PDS5B: variants seen among roughly 807,000 people sequenced by gnomAD.
PDS5B encodes PDS5 cohesin associated factor B.
In PDS5B, 51 loss-of-function variants were observed where a neutral mutation model predicts 184.1. That is an observed-to-expected ratio of 0.28 (90% CI 0.22 to 0.35). The LOEUF (loss-of-function observed/expected upper bound fraction) is 0.35, where lower values mean the gene tolerates loss of function less well. PDS5B is among the 10% of genes least tolerant of loss of function. PDS5B has a pLI of 1.00. For synonymous variants in PDS5B, 566 were observed against 569.2 expected, an observed-to-expected ratio of 0.99 and a Z score of 0.08; for missense variants, 1,180 against 1,723.3, an observed-to-expected ratio of 0.68 and a Z score of 5.58.
chr13:32,627,739 A>G lies in PDS5B; in HGVS notation c.-19-21015A>G, dbSNP rs76194193. On this transcript the variant is annotated intron_variant, in intron 1 of 34. Coordinates refer to ENST00000315596, the MANE Select transcript of PDS5B (RefSeq NM_015032.4). Reference sequence around the variant, plus strand: ...GCCAAAAACTGCAAGTACATGATATAGTAAGATAATAGAATTGAGAGTTTT... The same window carrying G: ...GCCAAAAACTGCAAGTACATGATATGGTAAGATAATAGAATTGAGAGTTTT... Among the ~76,000 whole-genome samples, 1,289 of 152,352 alleles carry G rather than the reference A, an allele frequency of 8.5e-3. 21 individuals carry two copies. The highest frequency in any genetic ancestry group is 0.03 in the African/African-American group (1,245 of 41,576).
At position 32,699,765 on chromosome 13, in the gene PDS5B, A is replaced by T; in HGVS notation, c.1636A>T (p.Met546Leu). 6.4e-7 allele frequency: 1 copy of T among 1,561,970 alleles called. No individual in the cohort carries two copies. The highest frequency in any genetic ancestry group is 8.6e-7 in the Non-Finnish European group (1 of 1,158,440). ...TGATCCTGGTAAGGCTCAGGATTTCATGAAGAAATTCACACAGGTGTTAGA... is the reference window on the plus strand; with the variant it reads ...TGATCCTGGTAAGGCTCAGGATTTCTTGAAGAAATTCACACAGGTGTTAGA... ...LPDPGKAQDF[M>L]KKFTQVLEDD... Residue 546 changes from methionine (M) to leucine (L), a missense_variant, in exon 16 of 35, where the codon ATG (methionine) becomes TTG (leucine). Physicochemically the swap from Met to Leu is conservative, Grantham distance 15. This residue lies in a region of PDS5B where 475 missense variants were observed against 691.5 expected (regional missense o/e 0.69). Coordinates refer to ENST00000315596, the MANE Select transcript of PDS5B (RefSeq NM_015032.4).
chr13:32,698,188 T>C (rs975961810), intron 15 of PDS5B, among the ~76,000 whole-genome samples: 3 of 152,198 alleles, frequency 2.0e-5, no homozygotes, highest in East Asian at 1.9e-4. Flanking sequence ...GTTTATAGAA[T>C]GCTAAATTGA....
chr13:32,616,751 C>T (rs1374052152), intron 1 of PDS5B, among the ~76,000 whole-genome samples: 1 of 152,188 alleles, frequency 6.6e-6, no homozygotes, highest in Non-Finnish European at 1.5e-5. Flanking sequence ...GGTAGTTGAA[C>T]TGCAAAATTT....
At chr13:32,692,147 T>C (rs9596075) in intron 13 of PDS5B, among the ~76,000 whole-genome samples, 56,230 of 151,886 alleles carry the variant, frequency 0.37, 10,913 homozygotes, top group Non-Finnish European at 0.43. Context: ...ATTCCTCTTA[T>C]TTGTTGAAAG....
intron 10 of PDS5B, among the ~76,000 whole-genome samples, chr13:32,682,767 G>A (rs561480957): frequency 1.3e-5 from 2 of 152,302 alleles, no homozygotes; most frequent in African/African-American, 2.4e-5. Context: ...TAGCGTCCTT[G>A]ACAACATTTT....
intron 19 of PDS5B, among the ~76,000 whole-genome samples, chr13:32,726,364 T>G (rs573599769): frequency 1.3e-4 from 20 of 152,324 alleles, no homozygotes; most frequent in African/African-American, 4.6e-4. Flanking sequence ...TTTATGGACA[T>G]TGGGTTGTTT....
chr13:32,605,787 CTCT>C (rs138739336), intron 1 of PDS5B, among the ~76,000 whole-genome samples: 49,176 of 151,654 alleles, frequency 0.32, 8,223 homozygotes, highest in Non-Finnish European at 0.37. Flanking sequence ...GAATAGTTAG[CTCT>C]TCTTGTTGAA....
At chr13:32,757,615 T>A (rs4942897) in intron 26 of PDS5B, among the ~76,000 whole-genome samples, 3 of 152,020 alleles carry the variant, frequency 2.0e-5, no homozygotes, top group Non-Finnish European at 2.9e-5. Flanking sequence ...ATTGTCAATC[T>A]TGACTTTTTC....
chr13:32,740,964 A>G lies in PDS5B; in HGVS notation c.2407-116A>G, dbSNP rs1035184229. 7 of 658,212 alleles carry G rather than the reference A, an allele frequency of 1.1e-5. No individual in the cohort carries two copies. The East Asian group carries it at 1.6e-4, about 15-fold the overall frequency. The allele number at this position is 658,212 out of a possible 1,614,324, so 40.8% of individuals were successfully genotyped here. A position where few individuals can be genotyped will look rare whatever the true frequency, so the allele number is the denominator to read the frequency against. Reference sequence around the variant, plus strand: ...TAGATGAAGTACTTTAGTCATATATAACAAATGTCACTGCAGAAGGTACAG... The same window carrying G: ...TAGATGAAGTACTTTAGTCATATATGACAAATGTCACTGCAGAAGGTACAG... On this transcript the variant is annotated intron_variant, in intron 21 of 34. Coordinates refer to ENST00000315596, the MANE Select transcript of PDS5B (RefSeq NM_015032.4).
rs2140469116 is a variant in PDS5B, at chr13:32,595,609, A to C, written c.-20+9016A>C. 1.3e-5 allele frequency among the ~76,000 whole-genome samples: 2 copies of C among 152,344 alleles called. 1 individual carries two copies. Among genetic ancestry groups the C allele is most frequent in the South Asian group, 4.1e-4 (2 of 4,830 alleles). ...GAAAGAACCACCATGCATTCCCTAA[A>C]AGAAGAGTTAGGTATTGGAAAAACC... On this transcript the variant is annotated intron_variant, in intron 1 of 34. Coordinates refer to ENST00000315596, the MANE Select transcript of PDS5B (RefSeq NM_015032.4).
chr13:32,735,408 T>C, intron 21 of PDS5B, 78 bp downstream of exon 21: 1 of 992,596 alleles, frequency 1.0e-6, no homozygotes, highest in South Asian at 1.8e-5. Context: ...AGAAGTGAAA[T>C]GATATCAATA....
chr13:32,641,894 G>C (rs1466106074), intron 1 of PDS5B, among the ~76,000 whole-genome samples: 2 of 151,874 alleles, frequency 1.3e-5, no homozygotes, highest in African/African-American at 4.8e-5. Flanking sequence ...TCTCTCTCTG[G>C]GTTTTCCCCC....
At chr13:32,643,315 A>G (rs926433992) in intron 1 of PDS5B, among the ~76,000 whole-genome samples, 1 of 152,154 alleles carries the variant, frequency 6.6e-6, no homozygotes, top group Admixed American at 6.5e-5. Context: ...ACCTGAAGTC[A>G]TGCAGCTATT....
rs144417626 is a variant in PDS5B at position 32,706,831 on chromosome 13, C to T, written c.1857-103C>T. The T allele has an allele frequency of 3.4e-4, 170 of 505,360 alleles. 3 individuals are homozygous for T. Among genetic ancestry groups the T allele is most frequent in the Middle Eastern group, 1.9e-3 (5 of 2,644 alleles). The allele number at this position is 505,360 out of a possible 1,614,324, so 31.3% of individuals were successfully genotyped here. Reference sequence around the variant, plus strand: ...AGCTATATCAAATTTGTATTTGGTTCGGATATGTATATATGTATGTGCACA... The same window carrying T: ...AGCTATATCAAATTTGTATTTGGTTTGGATATGTATATATGTATGTGCACA... On this transcript the variant is annotated intron_variant, in intron 17 of 34. Transcript: ENST00000315596.
intron 31 of PDS5B, among the ~76,000 whole-genome samples, 192 bp downstream of exon 31, chr13:32,764,786 A>G (rs553289850): frequency 3.3e-5 from 5 of 152,230 alleles, no homozygotes; most frequent in Admixed American, 3.3e-4. Flanking sequence ...CTTCTTATCA[A>G]TGTGATAAGT....
intron 21 of PDS5B, 72 bp from the exon 22 acceptor site, chr13:32,741,008 G>C: frequency 1.2e-6 from 1 of 852,350 alleles, no homozygotes; most frequent in South Asian, 1.5e-5. Flanking sequence ...CATTTTCTAA[G>C]TGCTAATTGA....
chr13:32,661,385 C>CAAAAAAAAAAA (rs747985772), intron 6 of PDS5B, among the ~76,000 whole-genome samples: 5 of 32,016 alleles, frequency 1.6e-4, no homozygotes, highest in African/African-American at 3.2e-4. Flanking sequence ...GACTCTGTCT[C>CAAAAAAAAAAA]AAAAAAAAAA....
Position 32,758,790 on chromosome 13 carries a change from G to T in PDS5B, c.3309+137G>T, listed in dbSNP as rs1276552215. 5.1e-6 allele frequency: 4 copies of T among 778,146 alleles called. No individual in the cohort carries two copies. In the African/African-American group the frequency reaches 6.9e-5, roughly 13 times the overall value. The allele number at this position is 778,146 out of a possible 1,614,324, so 48.2% of individuals were successfully genotyped here. On this transcript the variant is annotated intron_variant, in intron 28 of 34. Coordinates refer to ENST00000315596, the MANE Select transcript of PDS5B (RefSeq NM_015032.4). ...TGATTTAAGATCAGAACCAGAATATGAGTCAAACTGGAGGACACACATAAG... is the reference window on the plus strand; with the variant it reads ...TGATTTAAGATCAGAACCAGAATATTAGTCAAACTGGAGGACACACATAAG...
At chr13:32,755,234 C>T (rs575042615) in intron 25 of PDS5B, among the ~76,000 whole-genome samples, 1 of 152,196 alleles carries the variant, frequency 6.6e-6, no homozygotes. Context: ...ATTAGGATTA[C>T]CATTCTGACC....
Sources: allele counts gnomAD v4.1 joint callset (sites outside exome capture counted in the v4.1 genomes callset), GRCh38; gene constraint gnomAD v4.1.1; regional missense constraint gnomAD v4.1.1; transcripts MANE v1.5; gene names NCBI Gene and HGNC (gene_info 2026-07-23, HGNC 2026-07-21).